The following SLC10A1 variants were observed in gnomAD, a reference collection of about 807,000 sequenced individuals.
The protein encoded by SLC10A1 is hepatic sodium/bile acid cotransporter.
Under a neutral mutation model 20.5 loss-of-function variants are expected in SLC10A1, and 36 were observed. The ratio of observed to expected loss-of-function variants is 1.75; its 90% confidence interval spans 1.34 to 2.32. The LOEUF is 2.32. Ranked by LOEUF, SLC10A1 falls within the 30% of genes most tolerant of loss-of-function variation. The probability of loss-of-function intolerance (pLI) is 0.00; values close to 1 mark genes in which losing one functional copy is unlikely to be tolerated. For missense variants in SLC10A1, 545 were observed against 439.1 expected (o/e 1.24, Z -2.16); for synonymous variants, 188 against 163.6 (o/e 1.15, Z -1.14).
chr14:69,783,448 G>C (rs1883643803), intron 2 of SLC10A1, among the ~76,000 whole-genome samples: 1 of 152,172 alleles, frequency 6.6e-6, no homozygotes, highest in Non-Finnish European at 1.5e-5. Flanking sequence ...GCTTCCTGGG[G>C]GAGGCGCTAT....
chr14:69,785,431 C>G (rs1038078494), intron 2 of SLC10A1, among the ~76,000 whole-genome samples: 12 of 152,164 alleles, frequency 7.9e-5, no homozygotes, highest in Non-Finnish European at 1.5e-5. Context: ...TCAGGCTTCT[C>G]CCCAGGTTTA....
At chr14:69,786,652 C>G (rs935558786) in intron 1 of SLC10A1, among the ~76,000 whole-genome samples, 7 of 152,136 alleles carry the variant, frequency 4.6e-5, no homozygotes, top group Non-Finnish European at 8.8e-5. Flanking sequence ...TGAGCACCTC[C>G]CCCATGCCAA....
At position 69,797,099 on chromosome 14, in the gene SLC10A1, G is replaced by T. The variant is rs770375265; in HGVS notation, c.57C>A (p.Gly19=). ...PFNFTLPPNF[G]KRPTDLALSV... The stretch of plus-strand genomic sequence containing the variant: ...TCAGTGCCAGGTCTGTGGGGCGCTT[G>T]CCAAAGTTGGGTGGCAGGGTGAAGT... The change falls in exon 1 of 5, where the codon GGC becomes GGA. Residue 19 remains glycine, a synonymous_variant. Transcript: ENST00000216540. 2 of 1,614,068 alleles carry T rather than the reference G, an allele frequency of 1.2e-6. No homozygotes were observed. The highest frequency in any genetic ancestry group is 3.3e-5 in the Admixed American group (2 of 60,012).
At chr14:69,796,684 T>G (rs1882390840) in intron 1 of SLC10A1, 116 bp downstream of exon 1, 1 of 850,384 alleles carries the variant, frequency 1.2e-6, no homozygotes, top group East Asian at 2.7e-5. Context: ...TGCCCTAGCC[T>G]CCACCCAGCC....
rs1038483577 is a variant in SLC10A1, at chr14:69,776,086, A to G, written c.*196T>C. ...GTCTTTAAAATAAGTAGCAAATTCT[A>G]AGTTGGGGATAGGTGAGGCTTCTTG... On this transcript the variant is annotated 3_prime_UTR_variant, in exon 5 of 5. Transcript: ENST00000216540. The G allele has an allele frequency of 3.6e-6, 2 of 559,676 alleles. No homozygotes were observed. The highest frequency in any genetic ancestry group is 3.8e-5 in the African/African-American group (2 of 52,580). 34.7% of individuals were successfully genotyped at this position (559,676 alleles called of 1,614,324 possible). A position where few individuals can be genotyped will look rare whatever the true frequency, so the allele number is the denominator to read the frequency against.
At chr14:69,778,595 G>A (rs1883509945) in intron 3 of SLC10A1, 66 bp from the exon 4 acceptor site, 2 of 1,381,894 alleles carry the variant, frequency 1.4e-6, no homozygotes, top group Non-Finnish European at 2.0e-6. Flanking sequence ...TTGTCCCAGT[G>A]CTGCTACCAA....
At chr14:69,777,557 T>A (rs1026335370) in intron 4 of SLC10A1, among the ~76,000 whole-genome samples, 1 of 148,396 alleles carries the variant, frequency 6.7e-6, no homozygotes, top group Non-Finnish European at 1.5e-5. Context: ...AAATGTGTTA[T>A]AAAGTGGGTT....
At chr14:69,784,311 A>G (rs1005689993) in intron 2 of SLC10A1, among the ~76,000 whole-genome samples, 1 of 152,248 alleles carries the variant, frequency 6.6e-6, no homozygotes, top group Non-Finnish European at 1.5e-5. Context: ...CAATGCTGCT[A>G]GAAGGTCAAG....
intron 1 of SLC10A1, among the ~76,000 whole-genome samples, chr14:69,788,025 A>G (rs993728281): frequency 9.9e-5 from 15 of 151,966 alleles, no homozygotes; most frequent in Admixed American, 5.9e-4. Context: ...GCGCCACTCC[A>G]CTAAAAAAAA....
At position 69,782,933 on chromosome 14, in the gene SLC10A1, G is replaced by A. The variant is rs59710581; in HGVS notation, c.567+3164C>T. On this transcript the variant is annotated intron_variant, in intron 2 of 4. Transcript: ENST00000216540. ...CAGTTGTCATTAGCACTATGACTTGGTATTCTGTTTCCCAGTTTTCCCACC... is the reference window on the plus strand; with the variant it reads ...CAGTTGTCATTAGCACTATGACTTGATATTCTGTTTCCCAGTTTTCCCACC... Among the ~76,000 whole-genome samples, 833 of 152,266 alleles carry A rather than the reference G, an allele frequency of 5.5e-3. 3 individuals carry two copies. The highest frequency in any genetic ancestry group is 0.019 in the African/African-American group (776 of 41,556).
In SLC10A1 at chr14:69,776,157, A is replaced by G; in HGVS notation, c.*125T>C. On this transcript the variant is annotated 3_prime_UTR_variant, in exon 5 of 5. Coordinates refer to ENST00000216540, the MANE Select transcript of SLC10A1 (RefSeq NM_003049.4). ...TCCCGGCCAAGACTTGATGATTCTG[A>G]TAGATGTACTGGAAATGCTGGAGAA... is the stretch of plus-strand genomic sequence containing the variant. 1.4e-6 allele frequency: 1 copy of G among 706,030 alleles called. No homozygotes were observed. The highest frequency in any genetic ancestry group is 2.5e-5 in the Admixed American group (1 of 40,042). The allele number at this position is 706,030 out of a possible 1,614,324, so 43.7% of individuals were successfully genotyped here. A position where few individuals can be genotyped will look rare whatever the true frequency, so the allele number is the denominator to read the frequency against.
chr14:69,795,600 A>G (rs1356786884), intron 1 of SLC10A1, among the ~76,000 whole-genome samples: 1 of 151,968 alleles, frequency 6.6e-6, no homozygotes, highest in Non-Finnish European at 1.5e-5. Flanking sequence ...ATTTGTAGAC[A>G]CAGGGTTTTG....
intron 2 of SLC10A1, among the ~76,000 whole-genome samples, chr14:69,779,695 G>A (rs55724465): frequency 0.075 from 11,405 of 152,150 alleles, 604 homozygotes; most frequent in East Asian, 0.16. Flanking sequence ...CAGTAGCTAG[G>A]AAGCTTGGGG....
rs1172011628 is a variant in SLC10A1 at position 69,778,458 on chromosome 14, G to T, written c.818C>A (p.Ala273Asp). 1 of 1,613,976 alleles carries T rather than the reference G, an allele frequency of 6.2e-7. No individual in the cohort carries two copies. Among genetic ancestry groups the T allele is most frequent in the Admixed American group, 1.7e-5 (1 of 59,994 alleles). ...TGGTCCAATGACTTCAGGTGGAAAG[G>T]CCACATTGAGGATGGTGGAACAGAG... The part of the protein sequence containing the change: ...VQLCSTILNV[A>D]FPPEVIGPLF... Residue 273 changes from alanine to aspartate, a missense_variant, in exon 4 of 5, where the codon GCC (alanine) becomes GAC (aspartate). Ala to Asp is a moderately radical substitution (Grantham distance 126). Transcript: ENST00000216540.
intron 4 of SLC10A1, 130 bp from the exon 5 acceptor site, chr14:69,776,518 CTG>C (rs1883452052): frequency 1.5e-6 from 1 of 677,192 alleles, no homozygotes. Flanking sequence ...TTTTCCATCT[CTG>C]TCGTCTCTCC....
At chr14:69,794,535 A>G (rs779925192) in intron 1 of SLC10A1, among the ~76,000 whole-genome samples, 1 of 152,198 alleles carries the variant, frequency 6.6e-6, no homozygotes, top group Non-Finnish European at 1.5e-5. Flanking sequence ...ATACTTATCC[A>G]GGTAAGGTGT....
chr14:69,776,500 A>T, intron 4 of SLC10A1, 112 bp from the exon 5 acceptor site: 1 of 776,076 alleles, frequency 1.3e-6, no homozygotes, highest in Non-Finnish European at 2.1e-6. Flanking sequence ...GAGTGTGCTA[A>T]GTATATATTT....
Position 69,776,279 on chromosome 14 carries a change from G to T in SLC10A1, c.*3C>A, listed in dbSNP as rs188012028. On this transcript the variant is annotated 3_prime_UTR_variant, in exon 5 of 5. Transcript: ENST00000216540. ...ACCAGAATCCAGGCCACCAGGGGAAGGGCTAGGCTGTGCAAGGGGAGCAGT... is the reference window on the plus strand; with the variant it reads ...ACCAGAATCCAGGCCACCAGGGGAATGGCTAGGCTGTGCAAGGGGAGCAGT... 11 of 1,610,928 alleles carry T rather than the reference G, an allele frequency of 6.8e-6. No individual in the cohort carries two copies. The East Asian group carries it at 2.2e-4, about 33-fold the overall frequency.
intron 2 of SLC10A1, among the ~76,000 whole-genome samples, chr14:69,781,883 C>G (rs998777253): frequency 3.3e-5 from 5 of 152,170 alleles, no homozygotes; most frequent in African/African-American, 1.2e-4. Context: ...TGGTTGAACC[C>G]GGTGTGAGCA....
Sources: allele counts gnomAD v4.1 joint callset (sites outside exome capture counted in the v4.1 genomes callset), GRCh38; gene constraint gnomAD v4.1.1; transcripts MANE v1.5; gene names NCBI Gene and HGNC (gene_info 2026-07-23, HGNC 2026-07-21).